NELL1: variants seen among roughly 807,000 people sequenced by gnomAD.
NELL1 encodes neural EGFL like 1.
A neutral mutation model predicts 107.4 loss-of-function variants in NELL1; 76 were observed. That is an observed-to-expected ratio of 0.71 (90% confidence interval 0.59 to 0.86). The LOEUF (loss-of-function observed/expected upper bound fraction) is 0.86. Ranked by LOEUF, NELL1 falls within the 40% of genes least tolerant of loss-of-function variation. The pLI is 0.00. For missense variants in NELL1, 1,024 were observed against 1,005.5 expected (o/e 1.02, Z -0.25); for synonymous variants, 353 against 341.2 (o/e 1.03, Z -0.38).
chr11:20,683,622 A>G (rs1021485295), intron 2 of NELL1, among the ~76,000 whole-genome samples: 2 of 152,088 alleles, frequency 1.3e-5, no homozygotes, highest in African/African-American at 2.4e-5. Context: ...TTTAACATTT[A>G]ACATTTCTTT....
chr11:21,510,657 A>G (rs11606075), intron 15 of NELL1, among the ~76,000 whole-genome samples: 23,639 of 152,042 alleles, frequency 0.16, 1,922 homozygotes, highest in Admixed American at 0.17. Flanking sequence ...TATACCTGTG[A>G]CTGAGGTCCC....
At chr11:21,370,527 C>G (rs1851333769) in intron 14 of NELL1, among the ~76,000 whole-genome samples, 1 of 152,038 alleles carries the variant, frequency 6.6e-6, no homozygotes, top group African/African-American at 2.4e-5. Flanking sequence ...CCTGACCCTA[C>G]CCTTCCTAGT....
chr11:21,377,358 TA>T (rs139806210), intron 15 of NELL1, among the ~76,000 whole-genome samples: 3,977 of 152,234 alleles, frequency 0.026, 67 homozygotes, highest in Non-Finnish European at 0.04. Context: ...TATTGATTTG[TA>T]TTTGTTGAAC....
At chr11:21,152,522 G>T (rs1442272111) in intron 13 of NELL1, among the ~76,000 whole-genome samples, 1 of 152,128 alleles carries the variant, frequency 6.6e-6, no homozygotes, top group Non-Finnish European at 1.5e-5. Flanking sequence ...CGGGTATTGG[G>T]GATTGGGCGG....
At chr11:21,569,757 C>A (rs1857056327) in intron 17 of NELL1, among the ~76,000 whole-genome samples, 1 of 151,800 alleles carries the variant, frequency 6.6e-6, no homozygotes, top group African/African-American at 2.4e-5. Context: ...GAGATGCACA[C>A]TGAATTCTCT....
chr11:20,937,630 C>T (rs1224794360), intron 9 of NELL1, among the ~76,000 whole-genome samples, 156 bp from the exon 10 acceptor site: 1 of 152,212 alleles, frequency 6.6e-6, no homozygotes, highest in Non-Finnish European at 1.5e-5. Flanking sequence ...AAGGGTTATC[C>T]TCCACACAAT....
intron 14 of NELL1, among the ~76,000 whole-genome samples, chr11:21,276,852 A>C (rs1248438237): frequency 2.3e-4 from 35 of 152,224 alleles, no homozygotes; most frequent in Non-Finnish European, 3.8e-4. Flanking sequence ...CATACGTAGA[A>C]AGCTGAAACT....
chr11:21,289,427 C>G (rs540571794), intron 14 of NELL1, among the ~76,000 whole-genome samples: 1 of 152,296 alleles, frequency 6.6e-6, no homozygotes, highest in Non-Finnish European at 1.5e-5. Context: ...ACTCCCTCCC[C>G]TAGCCAAGGG....
chr11:21,279,648 T>C (rs1848946982), intron 14 of NELL1, among the ~76,000 whole-genome samples: 1 of 152,176 alleles, frequency 6.6e-6, no homozygotes, highest in Admixed American at 6.6e-5. Context: ...ACCATCACTT[T>C]GGAAAAAAGC....
chr11:21,543,829 G>A (rs1336628491), intron 16 of NELL1, among the ~76,000 whole-genome samples: 1 of 151,964 alleles, frequency 6.6e-6, no homozygotes, highest in Non-Finnish European at 1.5e-5. Flanking sequence ...CTAGACTCGG[G>A]CATGAACCCA....
At chr11:20,753,248 T>C (rs951963714) in intron 2 of NELL1, among the ~76,000 whole-genome samples, 3 of 152,250 alleles carry the variant, frequency 2.0e-5, no homozygotes, top group African/African-American at 7.2e-5. Flanking sequence ...GCTTCTATGC[T>C]ATCTGTCCTT....
intron 15 of NELL1, among the ~76,000 whole-genome samples, chr11:21,495,712 G>T (rs1018606794): frequency 5.3e-5 from 8 of 152,016 alleles, no homozygotes; most frequent in Non-Finnish European, 7.4e-5. Flanking sequence ...TGGTGGGTAT[G>T]CTGTGGTACC....
chr11:20,900,840 C>G (rs1384719863), intron 5 of NELL1, among the ~76,000 whole-genome samples: 1 of 151,922 alleles, frequency 6.6e-6, no homozygotes, highest in East Asian at 1.9e-4. Context: ...CAGAAAATTT[C>G]TTAATGAAAT....
intron 12 of NELL1, among the ~76,000 whole-genome samples, chr11:21,020,717 CT>C (rs1417235672): frequency 6.6e-6 from 1 of 151,976 alleles, no homozygotes; most frequent in Admixed American, 6.6e-5. Flanking sequence ...CTTCTTGCCC[CT>C]CTCCACTTTT....
intron 16 of NELL1, among the ~76,000 whole-genome samples, chr11:21,538,892 C>G (rs185158657): frequency 6.6e-6 from 1 of 152,156 alleles, no homozygotes; most frequent in African/African-American, 2.4e-5. Context: ...TTCCTTTGTT[C>G]TCTCATATAC....
intron 16 of NELL1, among the ~76,000 whole-genome samples, chr11:21,555,882 G>T (rs1381642956): frequency 6.6e-6 from 1 of 151,826 alleles, no homozygotes; most frequent in Non-Finnish European, 1.5e-5. Flanking sequence ...CATAGTCTGT[G>T]TGCTAAAGGG....
At chr11:21,296,638 C>T (rs1849382407) in intron 14 of NELL1, among the ~76,000 whole-genome samples, 1 of 151,820 alleles carries the variant, frequency 6.6e-6, no homozygotes, top group Non-Finnish European at 1.5e-5. Context: ...AGCGCTGATA[C>T]TATGCAGTTG....
At chr11:20,905,412 G>A (rs115737517) in intron 5 of NELL1, among the ~76,000 whole-genome samples, 3,501 of 152,106 alleles carry the variant, frequency 0.023, 139 homozygotes, top group African/African-American at 0.08. Context: ...TCATTCAAAG[G>A]AACAAAATAA....
chr11:20,970,262 A>G (rs1851472633), intron 12 of NELL1, among the ~76,000 whole-genome samples: 1 of 152,172 alleles, frequency 6.6e-6, no homozygotes, highest in African/African-American at 2.4e-5. Flanking sequence ...TATGCAGTAT[A>G]AAGTCTGCAA....
Sources: allele counts gnomAD v4.1 joint callset (sites outside exome capture counted in the v4.1 genomes callset), GRCh38; gene constraint gnomAD v4.1.1; transcripts MANE v1.5; gene names NCBI Gene and HGNC (gene_info 2026-07-23, HGNC 2026-07-21).